Variants in TJAP1 observed in about 807,000 individuals in gnomAD.
The protein encoded by TJAP1 is tight junction-associated protein 1.
TJAP1 carries 27 observed loss-of-function variants against 42.0 expected under a neutral mutation model. The ratio of observed to expected loss-of-function variants is 0.64; its 90% CI spans 0.47 to 0.89. TJAP1 has a LOEUF of 0.89. Ranked by LOEUF, TJAP1 falls within the 40% of genes least tolerant of loss-of-function variation. The pLI is 0.00. For missense variants in TJAP1, 712 were observed against 726.9 expected, an observed-to-expected ratio of 0.98 and a Z score of 0.24; for synonymous variants, 257 against 288.4, an observed-to-expected ratio of 0.89 and a Z score of 1.10.
chr6:43,505,638 T>C lies in TJAP1; in HGVS notation c.1457T>C (p.Leu486Pro). The C allele has an allele frequency of 2.5e-6, 4 of 1,613,218 alleles. No individual in the cohort carries two copies. The highest frequency in any genetic ancestry group is 2.5e-6 in the Non-Finnish European group (3 of 1,179,986). ...GGCTTTCCCAGGGAGGAAGAAGAGC[T>C]GAACCTGCCTATCAGTCCTGAGGAA... The change falls in exon 11 of 11, where the codon CTG (leucine) becomes CCG (proline). Residue 486 changes from leucine (L) to proline (P), a missense_variant. Physicochemically the swap from Leu to Pro is moderately conservative, Grantham distance 98. This residue lies in a region of TJAP1 where 549 missense variants were observed against 528.2 expected (regional missense o/e 1.04). Transcript: ENST00000372449. The surrounding 1 kb of genome is among the most constrained non-coding windows in gnomAD (Gnocchi z 5.5).
chr6:43,505,769 C>G lies in TJAP1; in HGVS notation c.1588C>G (p.Arg530Gly). ...ACTCCCCAGCTCCAGTCGCCCCCAGCGCAGCCCCAAGAGGATGGGGGTTCA... is the reference window on the plus strand; with the variant it reads ...ACTCCCCAGCTCCAGTCGCCCCCAGGGCAGCCCCAAGAGGATGGGGGTTCA... The change falls in exon 11 of 11, where the codon CGC becomes GGC. Residue 530 changes from arginine to glycine, a missense_variant. Around this residue, in one of 3 missense-constraint regions of TJAP1, gnomAD observed 549 missense variants for 528.2 expected, o/e 1.04. Coordinates refer to ENST00000372449, the Ensembl canonical transcript of TJAP1. This position sits in a 1 kb window ranked among gnomAD's most constrained non-coding sequence, Gnocchi z 5.5. 1 of 1,515,760 alleles carries G rather than the reference C, an allele frequency of 6.6e-7. No individual in the cohort carries two copies. The highest frequency in any genetic ancestry group is 8.8e-7 in the Non-Finnish European group (1 of 1,136,596). The allele number at this position is 1,515,760 out of a possible 1,614,324, so 93.9% of individuals were successfully genotyped here.
chr6:43,481,583 C>T (rs1477773470), intron 2 of TJAP1, among the ~76,000 whole-genome samples: 1 of 131,728 alleles, frequency 7.6e-6, no homozygotes, highest in Non-Finnish European at 1.6e-5. Context: ...GCAAACTACA[C>T]AGAAAAAAAA....
At chr6:43,501,615 G>A in exon 6 of TJAP1, 1 of 1,612,852 alleles carries the variant, frequency 6.2e-7, no homozygotes, top group Non-Finnish European at 8.5e-7. Context: ...CTGGAAATTG[G>A]GCAGGACTGC....
rs1382988818 is a variant in TJAP1, at chr6:43,505,372, C to T, written c.1191C>T (p.Leu397=). 3 of 1,609,998 alleles carry T rather than the reference C, an allele frequency of 1.9e-6. No individual in the cohort carries two copies. Among genetic ancestry groups the T allele is most frequent in the Non-Finnish European group, 1.7e-6 (2 of 1,179,666 alleles). Residue 397 remains leucine (L), a synonymous_variant, in exon 11 of 11, where the codon CTC becomes CTT. Coordinates refer to ENST00000372449, the Ensembl canonical transcript of TJAP1. The surrounding 1 kb of genome is among the most constrained non-coding windows in gnomAD (Gnocchi z 5.5). ...AGCCCAGCCCAGCACCCCTAACACT[C>T]AGTGCCCCAGCTAGCTCTGCCAGCT...
At chr6:43,503,219 C>G in intron 8 of TJAP1, 182 bp from the exon 9 acceptor site, 2 of 603,294 alleles carry the variant, frequency 3.3e-6, no homozygotes, top group South Asian at 4.0e-5. Context: ...CACCCCACAG[C>G]CAGTCCAGAG....
chr6:43,505,071 C>A lies in TJAP1; in HGVS notation c.890C>A (p.Ala297Asp). 1.2e-6 allele frequency: 2 copies of A among 1,614,118 alleles called. No homozygotes were observed. The highest frequency in any genetic ancestry group is 1.3e-5 in the African/African-American group (1 of 75,034). ...GGGGAGTGCCACTCTCTGGGTACTG[C>A]CAGGGGCTCCCCGGAGGAAGAGCTG... The change falls in exon 11 of 11, where the codon GCC (alanine) becomes GAC (aspartate). Residue 297 changes from alanine to aspartate, a missense_variant. This residue lies in a region of TJAP1 where 549 missense variants were observed against 528.2 expected (regional missense o/e 1.04). Coordinates refer to ENST00000372449, the Ensembl canonical transcript of TJAP1. This position sits in a 1 kb window ranked among gnomAD's most constrained non-coding sequence, Gnocchi z 5.5.
chr6:43,488,899 G>C (rs1348032785), intron 2 of TJAP1, among the ~76,000 whole-genome samples: 1 of 152,194 alleles, frequency 6.6e-6, no homozygotes, highest in Non-Finnish European at 1.5e-5. Context: ...AGTGTTTCCT[G>C]TCTGCGTGAA....
chr6:43,504,797 T>A, exon 11 of TJAP1: 5 of 1,614,150 alleles, frequency 3.1e-6, no homozygotes, highest in African/African-American at 2.7e-5. Context: ...TCGGAAACAT[T>A]TGCACAGTGG....
chr6:43,505,318 T>G lies in TJAP1; in HGVS notation c.1137T>G (p.Pro379=). The G allele has an allele frequency of 1.9e-6, 3 of 1,609,448 alleles. No individual in the cohort carries two copies. The highest frequency in any genetic ancestry group is 2.5e-6 in the Non-Finnish European group (3 of 1,179,218). Reference sequence around the variant, plus strand: ...GCCCCAGCCCAGTGCCCAGCACCCCTGCCTCAGCCCAGGCCTCACCCCACC... The same window carrying G: ...GCCCCAGCCCAGTGCCCAGCACCCCGGCCTCAGCCCAGGCCTCACCCCACC... Residue 379 remains proline (P), a synonymous_variant, in exon 11 of 11, where the codon CCT becomes CCG. Transcript: ENST00000372449. This position sits in a 1 kb window ranked among gnomAD's most constrained non-coding sequence, Gnocchi z 5.5.
At chr6:43,506,127 A>C in exon 11 of TJAP1, 1 of 340,672 alleles carries the variant, frequency 2.9e-6, no homozygotes, top group Non-Finnish European at 5.3e-6. Flanking sequence ...CCTTTCCTCC[A>C]ATCAGCCCAA....
intron 2 of TJAP1, chr6:43,497,348 T>A (rs1789436773): frequency 6.6e-6 from 1 of 152,274 alleles, no homozygotes; most frequent in Admixed American, 6.5e-5. Context: ...CTTTTCAGAT[T>A]TCTTCTCCTA....
chr6:43,486,914 C>T lies in TJAP1; in HGVS notation c.-122+8682C>T, dbSNP rs1320458017. 2.6e-5 allele frequency among the ~76,000 whole-genome samples: 4 copies of T among 152,192 alleles called. No individual in the cohort carries two copies. In the East Asian group the frequency reaches 5.8e-4, roughly 22 times the overall value. On this transcript the variant is annotated intron_variant, in intron 2 of 10. Transcript: ENST00000372449. ...TGAAGGAGTTTTCCCTGGGTTCTCT[C>T]CCTTGTCCCTGGGTGTGAGAATGTG...
At position 43,505,563 on chromosome 6, in the gene TJAP1, C is replaced by G. The variant is rs774241829; in HGVS notation, c.1382C>G (p.Ser461Cys). The change falls in exon 11 of 11, where the codon TCT becomes TGT. Residue 461 changes from serine to cysteine, a missense_variant. Coordinates refer to ENST00000372449, the Ensembl canonical transcript of TJAP1. This position sits in a 1 kb window ranked among gnomAD's most constrained non-coding sequence, Gnocchi z 5.5. ...AGAGATGAGGTGGTCCAGGCACCTTCTGCCCGACCCGAAGAGAGTGAGCTT... is the reference window on the plus strand; with the variant it reads ...AGAGATGAGGTGGTCCAGGCACCTTGTGCCCGACCCGAAGAGAGTGAGCTT... 4 of 1,613,834 alleles carry G rather than the reference C, an allele frequency of 2.5e-6. No individual in the cohort carries two copies. In the African/African-American group the frequency reaches 5.3e-5, roughly 21 times the overall value.
chr6:43,505,569 G>A lies in TJAP1; in HGVS notation c.1388G>A (p.Arg463Gln), dbSNP rs139615832. 2.5e-5 allele frequency: 41 copies of A among 1,613,718 alleles called. No homozygotes were observed. In the African/African-American group the frequency reaches 4.3e-4, roughly 17 times the overall value. The change falls in exon 11 of 11, where the codon CGA (arginine) becomes CAA (glutamine). Residue 463 changes from arginine (R) to glutamine (Q), a missense_variant. Around this residue, in one of 3 missense-constraint regions of TJAP1, gnomAD observed 549 missense variants for 528.2 expected, o/e 1.04. Coordinates refer to ENST00000372449, the Ensembl canonical transcript of TJAP1. This position sits in a 1 kb window ranked among gnomAD's most constrained non-coding sequence, Gnocchi z 5.5. Reference sequence around the variant, plus strand: ...GAGGTGGTCCAGGCACCTTCTGCCCGACCCGAAGAGAGTGAGCTTTTGCTA... The same window carrying A: ...GAGGTGGTCCAGGCACCTTCTGCCCAACCCGAAGAGAGTGAGCTTTTGCTA...
chr6:43,481,705 C>T (rs558770402), intron 2 of TJAP1, among the ~76,000 whole-genome samples: 2 of 152,306 alleles, frequency 1.3e-5, no homozygotes, highest in South Asian at 4.1e-4. Flanking sequence ...CAGCGGTGCT[C>T]AGTCTCTCCC....
Position 43,492,144 on chromosome 6 carries a change from A to G in TJAP1, c.-121-5737A>G, listed in dbSNP as rs1250169924. 6.6e-6 allele frequency among the ~76,000 whole-genome samples: 1 copy of G among 152,086 alleles called. No homozygotes were observed. Among genetic ancestry groups the G allele is most frequent in the Admixed American group, 6.5e-5 (1 of 15,268 alleles). On this transcript the variant is annotated intron_variant, in intron 2 of 10. Coordinates refer to ENST00000372449, the Ensembl canonical transcript of TJAP1. This position sits in a 1 kb window ranked among gnomAD's most constrained non-coding sequence, Gnocchi z 4.2. Reference sequence around the variant, plus strand: ...TCTGGATGTGAGGCCAGGTGGATAGACTTGGAAGTGTTTGCTCATGTGGGA... The same window carrying G: ...TCTGGATGTGAGGCCAGGTGGATAGGCTTGGAAGTGTTTGCTCATGTGGGA...
chr6:43,493,790 A>G (rs1443751851), intron 2 of TJAP1, among the ~76,000 whole-genome samples: 5 of 151,862 alleles, frequency 3.3e-5, no homozygotes, highest in African/African-American at 4.8e-5. Context: ...TTCTGAAGAG[A>G]TTTCTCTCTC....
chr6:43,506,145 C>T (rs1792319472), exon 11 of TJAP1: 2 of 327,742 alleles, frequency 6.1e-6, no homozygotes, highest in East Asian at 9.7e-5. Context: ...CAACCCAGCC[C>T]AGACTGGGCT....
Position 43,491,377 on chromosome 6 carries a change from G to A in TJAP1, c.-121-6504G>A, listed in dbSNP as rs570869085. Among the ~76,000 whole-genome samples the A allele has an allele frequency of 3.4e-4, 52 of 152,108 alleles. No individual in the cohort carries two copies. In the East Asian group the frequency reaches 9.3e-3, roughly 27 times the overall value. ...ACGATCTCGGCTTTCTGCAACCTCCGCCTCCCAGGTTTAAGCGATTCTCTT... is the reference window on the plus strand; with the variant it reads ...ACGATCTCGGCTTTCTGCAACCTCCACCTCCCAGGTTTAAGCGATTCTCTT... On this transcript the variant is annotated intron_variant, in intron 2 of 10. Coordinates refer to ENST00000372449, the Ensembl canonical transcript of TJAP1. This position sits in a 1 kb window ranked among gnomAD's most constrained non-coding sequence, Gnocchi z 4.6.
Sources: gnomAD v4.1 joint callset for allele counts (sites outside exome capture counted in the v4.1 genomes callset) on GRCh38, gnomAD v4.1.1 for gene constraint, gnomAD v4.1.1 regional missense constraint, Gnocchi (gnomAD v3.1) non-coding constraint, MANE v1.5 for transcripts, NCBI Gene and HGNC (gene_info 2026-07-23, HGNC 2026-07-21) for gene names.